IFTAP: variants seen among roughly 807,000 people sequenced by gnomAD.
IFTAP encodes intraflagellar transport-associated protein.
In IFTAP, 19 loss-of-function variants were observed where a neutral mutation model predicts 19.4. That is an observed-to-expected ratio of 0.98 (90% confidence interval 0.68 to 1.44). The LOEUF (loss-of-function observed/expected upper bound fraction) is 1.44, where lower values mean the gene tolerates loss of function less well. Among genes scored for constraint, IFTAP ranks in the 40% most tolerant of loss-of-function variants. The pLI, the probability that IFTAP is intolerant of heterozygous loss-of-function variation, is 0.00. For missense variants in IFTAP, 240 were observed against 253.6 expected (o/e 0.95, Z 0.36); for synonymous variants, 85 against 83.5 (o/e 1.02, Z -0.10).
intron 2 of IFTAP, among the ~76,000 whole-genome samples, chr11:36,627,130 G>A (rs1043182837): frequency 9.3e-5 from 14 of 151,236 alleles, no homozygotes; most frequent in Non-Finnish European, 1.8e-4. Context: ...ATATCTAGAA[G>A]AGATAAATAC....
intron 1 of IFTAP, among the ~76,000 whole-genome samples, chr11:36,608,350 G>A (rs751794042): frequency 6.6e-6 from 1 of 152,146 alleles, no homozygotes; most frequent in Non-Finnish European, 1.5e-5. Flanking sequence ...AAAAGTGGGA[G>A]AAAAAGTTAA....
chr11:36,596,759 G>A (rs1851280544), intron 1 of IFTAP, among the ~76,000 whole-genome samples: 2 of 152,114 alleles, frequency 1.3e-5, no homozygotes, highest in Non-Finnish European at 2.9e-5. Flanking sequence ...AGATCCAAAG[G>A]GATTTTTCAA....
At chr11:36,637,821 A>G (rs1233353541) in intron 4 of IFTAP, among the ~76,000 whole-genome samples, 2 of 152,076 alleles carry the variant, frequency 1.3e-5, no homozygotes, top group Admixed American at 6.6e-5. Context: ...TCTTACCAGT[A>G]TGAGAACTCT....
intron 4 of IFTAP, among the ~76,000 whole-genome samples, chr11:36,645,419 GTTGCATTTCAT>G (rs1330773938): frequency 9.2e-5 from 14 of 152,098 alleles, no homozygotes; most frequent in African/African-American, 3.4e-4. Context: ...TGCCAAGATG[GTTGCATTTCAT>G]TAAGATGAAA....
intron 5 of IFTAP, among the ~76,000 whole-genome samples, chr11:36,649,781 G>T (rs1429350927): frequency 1.3e-5 from 2 of 152,052 alleles, no homozygotes; most frequent in East Asian, 3.9e-4. Flanking sequence ...AACAACTTCT[G>T]CTGTTTTTTG....
intron 5 of IFTAP, among the ~76,000 whole-genome samples, chr11:36,650,335 T>C (rs370255285): frequency 5.9e-5 from 9 of 152,252 alleles, no homozygotes; most frequent in African/African-American, 2.2e-4. Flanking sequence ...AACTTTCTGA[T>C]ATGAATTGGA....
chr11:36,622,748 C>T (rs35329885), intron 2 of IFTAP, among the ~76,000 whole-genome samples: 17,397 of 151,710 alleles, frequency 0.11, 1,169 homozygotes, highest in African/African-American at 0.17. Context: ...TTCTCTGATA[C>T]GAAAGAGAAA....
chr11:36,610,248 G>T lies in IFTAP; in HGVS notation c.136+9G>T. 1 of 1,595,642 alleles carries T rather than the reference G, an allele frequency of 6.3e-7. No homozygotes were observed. Among genetic ancestry groups the T allele is most frequent in the South Asian group, 1.1e-5 (1 of 89,420 alleles). ...TACTCATCTTTCACAAGGTAAAATG[G>T]AGAAGTAAACTTTCTGCAGCAATGG... On this transcript the variant is annotated intron_variant, in intron 2 of 5. Transcript: ENST00000334307.
intron 5 of IFTAP, chr11:36,648,460 G>GA (rs1316788323): frequency 4.4e-6 from 1 of 225,250 alleles, no homozygotes; most frequent in Admixed American, 5.6e-5. Context: ...TTTTTAGTTT[G>GA]AACTGGCCGT....
intron 5 of IFTAP, among the ~76,000 whole-genome samples, chr11:36,652,647 G>A (rs1198965477): frequency 2.0e-5 from 3 of 152,086 alleles, no homozygotes; most frequent in Admixed American, 6.6e-5. Flanking sequence ...CAAAGGGAAC[G>A]CTTCCAGTTT....
At chr11:36,614,410 T>C (rs1470412105) in intron 2 of IFTAP, among the ~76,000 whole-genome samples, 1 of 148,988 alleles carries the variant, frequency 6.7e-6, no homozygotes, top group African/African-American at 2.5e-5. Flanking sequence ...GCAGCATGAT[T>C]TATAGTCCTT....
At chr11:36,651,327 T>A (rs1297382495) in intron 5 of IFTAP, among the ~76,000 whole-genome samples, 1 of 152,252 alleles carries the variant, frequency 6.6e-6, no homozygotes, top group African/African-American at 2.4e-5. Context: ...CAGTTTTTCA[T>A]GTGTCTGTTG....
At position 36,648,115 on chromosome 11, in the gene IFTAP, C is replaced by T. The variant is rs1853564210; in HGVS notation, c.458C>T (p.Pro153Leu). 6.2e-7 allele frequency: 1 copy of T among 1,613,336 alleles called. No individual in the cohort carries two copies. The highest frequency in any genetic ancestry group is 8.5e-7 in the Non-Finnish European group (1 of 1,179,566). ...CAGCCTCCTACCTGTGAAGTGAAGCCAAAGCCCAGTGTTAAAAGAATGGAC... is the reference window on the plus strand; with the variant it reads ...CAGCCTCCTACCTGTGAAGTGAAGCTAAAGCCCAGTGTTAAAAGAATGGAC... Reference protein sequence around the residue: ...VAQPPTCEVKPKPSVKRMDKQ... With the variant: ...VAQPPTCEVKLKPSVKRMDKQ... The change falls in exon 5 of 6, where the codon CCA becomes CTA. Residue 153 changes from proline to leucine, a missense_variant. Transcript: ENST00000334307.
At chr11:36,611,537 G>A (rs964983896) in intron 2 of IFTAP, among the ~76,000 whole-genome samples, 2 of 152,074 alleles carry the variant, frequency 1.3e-5, no homozygotes, top group African/African-American at 4.8e-5. Context: ...AAGAGTAGTA[G>A]TTATAAGGAA....
At chr11:36,599,962 C>G (rs754937631) in intron 1 of IFTAP, among the ~76,000 whole-genome samples, 4 of 152,106 alleles carry the variant, frequency 2.6e-5, no homozygotes, top group African/African-American at 4.8e-5. Context: ...GTGTTTTAGC[C>G]TTTGGATTTT....
chr11:36,621,461 C>T (rs770593579), intron 2 of IFTAP, among the ~76,000 whole-genome samples: 18 of 152,036 alleles, frequency 1.2e-4, no homozygotes, highest in Non-Finnish European at 2.4e-4. Context: ...CGCCCATCAG[C>T]TTACTCTTCT....
intron 2 of IFTAP, among the ~76,000 whole-genome samples, chr11:36,627,950 A>G (rs145273942): frequency 6.6e-6 from 1 of 151,368 alleles, no homozygotes; most frequent in Non-Finnish European, 1.5e-5. Context: ...AAACATAACC[A>G]GTTGGAGATA....
chr11:36,657,814 C>T (rs1249430822), intron 5 of IFTAP, among the ~76,000 whole-genome samples: 1 of 152,164 alleles, frequency 6.6e-6, no homozygotes, highest in Non-Finnish European at 1.5e-5. Flanking sequence ...CCGTGGCAAA[C>T]TCACCATGGA....
intron 1 of IFTAP, chr11:36,598,408 C>T (rs1048578801): frequency 6.6e-6 from 1 of 152,008 alleles, no homozygotes; most frequent in East Asian, 1.9e-4. Context: ...ACTATTTGTA[C>T]AGATAAAAAG....
Sources: gnomAD v4.1 joint callset for allele counts (sites outside exome capture counted in the v4.1 genomes callset) on GRCh38, gnomAD v4.1.1 for gene constraint, MANE v1.5 for transcripts, NCBI Gene and HGNC (gene_info 2026-07-23, HGNC 2026-07-21) for gene names.